Variants in DNAH5 observed in about 807,000 individuals in gnomAD.
DNAH5 encodes the protein axonemal beta dynein heavy chain 5.
DNAH5 carries 372 observed loss-of-function variants against 518.2 expected under a neutral mutation model. The ratio of observed to expected loss-of-function variants is 0.72; its 90% CI spans 0.66 to 0.78. The LOEUF (loss-of-function observed/expected upper bound fraction) is 0.78. Ranked by LOEUF, DNAH5 falls within the 30% of genes least tolerant of loss-of-function variation. The probability of loss-of-function intolerance (pLI) is 0.00; values close to 1 mark genes in which losing one functional copy is unlikely to be tolerated. For missense variants in DNAH5, 5,523 were observed against 5,687.0 expected, an observed-to-expected ratio of 0.97 and a Z score of 0.93; for synonymous variants, 2,039 against 2,025.9, an observed-to-expected ratio of 1.01 and a Z score of -0.17.
At chr5:13,916,271 G>C (rs1242328437) in intron 9 of DNAH5, 77 bp downstream of exon 9, 1 of 827,542 alleles carries the variant, frequency 1.2e-6, no homozygotes, top group African/African-American at 1.7e-5. Flanking sequence ...GAGCCAATGT[G>C]GTAATTTTTA....
At chr5:13,767,008 C>A (rs1752595530) in intron 58 of DNAH5, among the ~76,000 whole-genome samples, 1 of 141,100 alleles carries the variant, frequency 7.1e-6, no homozygotes, top group African/African-American at 2.7e-5. Flanking sequence ...ATGACCTTCA[C>A]ATAAAAGTGA....
chr5:13,923,864 T>C (rs886690174), intron 3 of DNAH5, among the ~76,000 whole-genome samples: 1 of 151,792 alleles, frequency 6.6e-6, no homozygotes, highest in African/African-American at 2.4e-5. Context: ...GTCAACGTGA[T>C]GAAACCCTGT....
At chr5:13,829,099 CAACATATA>C (rs1763295786) in intron 38 of DNAH5, among the ~76,000 whole-genome samples, 1 of 152,132 alleles carries the variant, frequency 6.6e-6, no homozygotes, top group Non-Finnish European at 1.5e-5. Flanking sequence ...AAGAAGGCTG[CAACATATA>C]AACAAGACAG....
chr5:13,940,930 C>G (rs925903501), intron 1 of DNAH5, among the ~76,000 whole-genome samples: 2 of 152,202 alleles, frequency 1.3e-5, no homozygotes, highest in Admixed American at 1.3e-4. Flanking sequence ...AAGTAGGCAT[C>G]CAAGAGAGAT....
Position 13,928,183 on chromosome 5 carries a change from GA to G in DNAH5, c.193-6del. The G allele has an allele frequency of 6.2e-7, 1 of 1,602,782 alleles. No homozygotes were observed. On this transcript the variant is annotated splice_polypyrimidine_tract_variant and splice_region_variant and intron_variant, in intron 2 of 78. Transcript: ENST00000265104. ...AAGTTGATCAATTCTTTCAATCTGG[GA>G]AAAAGAAAAAGGCAAGATAATGATT...
chr5:13,830,247 G>T lies in DNAH5; in HGVS notation c.6062-34C>A, dbSNP rs754363948. The T allele has an allele frequency of 1.1e-5, 18 of 1,584,218 alleles. No individual in the cohort carries two copies. In the East Asian group the frequency reaches 3.4e-4, roughly 30 times the overall value. On this transcript the variant is annotated intron_variant, in intron 36 of 78. Transcript: ENST00000265104. ...GGAAATTAAATGAAAAATCCAATTA[G>T]TATATAATTTTAGAAAACCAAGAAA...
chr5:13,967,978 T>C (rs1422438820), intron 1 of DNAH5, among the ~76,000 whole-genome samples: 1 of 152,226 alleles, frequency 6.6e-6, no homozygotes, highest in Non-Finnish European at 1.5e-5. Context: ...GTTTGTGTTG[T>C]CTATGATTTC....
chr5:13,727,708 G>C (rs1745945061), intron 69 of DNAH5, 52 bp from the exon 70 acceptor site: 1 of 1,600,004 alleles, frequency 6.2e-7, no homozygotes. Flanking sequence ...CAATCTTTCA[G>C]TAACAGGTCA....
intron 47 of DNAH5, among the ~76,000 whole-genome samples, chr5:13,798,903 T>C (rs565490702): frequency 6.6e-6 from 1 of 151,868 alleles, no homozygotes; most frequent in African/African-American, 2.4e-5. Flanking sequence ...GTAGTTGGGA[T>C]TACAGGTGCA....
intron 40 of DNAH5, 71 bp from the exon 41 acceptor site, chr5:13,820,570 A>C (rs1036456063): frequency 3.2e-6 from 5 of 1,577,876 alleles, no homozygotes; most frequent in Non-Finnish European, 2.6e-6. Context: ...CACGCCTGTA[A>C]TCCCAACAAT....
At chr5:13,820,824 CAAAAAAA>C (rs70964510) in intron 40 of DNAH5, among the ~76,000 whole-genome samples, 3 of 66,504 alleles carry the variant, frequency 4.5e-5, no homozygotes, top group Non-Finnish European at 7.9e-5. Context: ...TACTCCGTCT[CAAAAAAA>C]AAAAAAAAAA....
Position 13,793,693 on chromosome 5 carries a change from T to C in DNAH5, c.8046A>G (p.Gln2682=), listed in dbSNP as rs1235029526. 3.7e-6 allele frequency: 6 copies of C among 1,614,046 alleles called. No homozygotes were observed. The highest frequency in any genetic ancestry group is 5.1e-6 in the Non-Finnish European group (6 of 1,180,052). ...GCTTCTCTAGATTATAGAATCCATT[T>C]TGTTCCATCAGCTGTCGCACTATCT... ...TNEIVRQLME[Q]NGFYNLEKPG... Residue 2682 remains glutamine, a synonymous_variant, in exon 49 of 79, where the codon CAA becomes CAG. Transcript: ENST00000265104.
chr5:13,829,824 G>T, intron 37 of DNAH5, 120 bp from the exon 38 acceptor site: 1 of 1,152,038 alleles, frequency 8.7e-7, no homozygotes, highest in Non-Finnish European at 1.3e-6. Flanking sequence ...ACTCATTTAC[G>T]TATCTCAATC....
intron 60 of DNAH5, among the ~76,000 whole-genome samples, chr5:13,760,795 G>A (rs966532968): frequency 6.6e-6 from 1 of 152,176 alleles, no homozygotes; most frequent in African/African-American, 2.4e-5. Context: ...GCAGGGGTTT[G>A]CCAGTGAAGC....
chr5:13,938,516 T>C (rs1779163241), intron 1 of DNAH5, among the ~76,000 whole-genome samples: 1 of 151,230 alleles, frequency 6.6e-6, no homozygotes, highest in Admixed American at 6.6e-5. Context: ...TTAAAGTTTG[T>C]CATAGGTATA....
In DNAH5 at chr5:13,810,158, G is replaced by C; in HGVS notation, c.7510C>G (p.Leu2504Val). The change falls in exon 45 of 79, where the codon CTG becomes GTG. Residue 2504 changes from leucine (L) to valine (V), a missense_variant. This residue lies in a region of DNAH5 where 5,121 missense variants were observed against 5,223.3 expected (regional missense o/e 0.98). Transcript: ENST00000265104. The stretch of plus-strand genomic sequence containing the variant: ...GGCCGAGAGCGCAGCCAGAGCTCCA[G>C]GCGGCGCCGTCCGTCCAGCTCCAGC... ...AALELDGRRR[L>V]ELWLRSRPTG... The C allele has an allele frequency of 6.5e-7, 1 of 1,548,504 alleles. No homozygotes were observed. Among genetic ancestry groups the C allele is most frequent in the South Asian group, 1.2e-5 (1 of 83,954 alleles).
intron 70 of DNAH5, among the ~76,000 whole-genome samples, chr5:13,722,328 A>G (rs1279056306): frequency 6.6e-6 from 1 of 152,238 alleles, no homozygotes; most frequent in Non-Finnish European, 1.5e-5. Flanking sequence ...CTCATCCCTC[A>G]TCTTCGATAT....
At position 13,830,619 on chromosome 5, in the gene DNAH5, T is replaced by G. The variant is rs112102932; in HGVS notation, c.6039A>C (p.Arg2013=). ...VFNCSDQMDF[R]GLGRIFKGLA... Reference sequence around the variant, plus strand: ...TACCCTTAAAAATCCGTCCAAGTCCTCGGAAATCCATCTGGTCTGAACAAT... The same window carrying G: ...TACCCTTAAAAATCCGTCCAAGTCCGCGGAAATCCATCTGGTCTGAACAAT... The change falls in exon 36 of 79, where the codon CGA becomes CGC. Residue 2013 remains arginine, a synonymous_variant. Coordinates refer to ENST00000265104, the MANE Select transcript of DNAH5 (RefSeq NM_001369.3). 363 of 1,614,220 alleles carry G rather than the reference T, an allele frequency of 2.2e-4. 3 individuals carry two copies. The African/African-American group carries it at 3.8e-3, about 17-fold the overall frequency.
intron 25 of DNAH5, among the ~76,000 whole-genome samples, chr5:13,867,344 T>C (rs904922885): frequency 2.0e-5 from 3 of 152,146 alleles, no homozygotes; most frequent in Non-Finnish European, 1.5e-5. Flanking sequence ...TTCCCCATGC[T>C]GTTCTCTCAG....
Sources: gnomAD v4.1 joint callset for allele counts (sites outside exome capture counted in the v4.1 genomes callset) on GRCh38, gnomAD v4.1.1 for gene constraint, gnomAD v4.1.1 regional missense constraint, MANE v1.5 for transcripts, NCBI Gene and HGNC (gene_info 2026-07-23, HGNC 2026-07-21) for gene names.